Variants in ACER3 observed in about 807,000 individuals in gnomAD.
The protein encoded by ACER3 is alkCDase 3.
A neutral mutation model predicts 48.9 loss-of-function variants in ACER3; 16 were observed. The ratio of observed to expected loss-of-function variants is 0.33; its 90% CI spans 0.22 to 0.50. The LOEUF is 0.50. ACER3 is among the 20% of genes least tolerant of loss of function. The probability of loss-of-function intolerance (pLI) is 0.98; values close to 1 mark genes in which losing one functional copy is unlikely to be tolerated. For missense variants in ACER3, 227 were observed against 326.0 expected (o/e 0.70, Z 2.34); for synonymous variants, 109 against 107.8 (o/e 1.01, Z -0.07).
intron 5 of ACER3, among the ~76,000 whole-genome samples, chr11:76,990,167 A>G (rs892303503): frequency 1.3e-5 from 2 of 152,166 alleles, no homozygotes; most frequent in African/African-American, 2.4e-5. Flanking sequence ...ATTTACTCCT[A>G]TCTCTAAGTC....
intron 1 of ACER3, among the ~76,000 whole-genome samples, chr11:76,872,773 C>T (rs771179232): frequency 5.3e-5 from 8 of 152,038 alleles, no homozygotes; most frequent in Non-Finnish European, 1.0e-4. Context: ...AACAATGGGC[C>T]TCAGACTTTA....
intron 1 of ACER3, among the ~76,000 whole-genome samples, chr11:76,886,893 G>A (rs1007264571): frequency 6.6e-6 from 1 of 152,104 alleles, no homozygotes; most frequent in South Asian, 2.1e-4. Context: ...GCCCAGGCTG[G>A]TTTTGAACTC....
chr11:76,994,136 CTTTT>C (rs56841188), intron 6 of ACER3: 88 of 403,314 alleles, frequency 2.2e-4, no homozygotes, highest in African/African-American at 1.6e-3. Flanking sequence ...ATTAAACTTT[CTTTT>C]TTTTTTTTTG....
intron 2 of ACER3, among the ~76,000 whole-genome samples, chr11:76,937,565 A>C (rs1016593494): frequency 6.6e-6 from 1 of 152,262 alleles, no homozygotes; most frequent in Non-Finnish European, 1.5e-5. Flanking sequence ...TATGTTAAGT[A>C]AGTAAAAGAT....
At chr11:76,896,475 A>T (rs1329298402) in intron 1 of ACER3, among the ~76,000 whole-genome samples, 2 of 151,980 alleles carry the variant, frequency 1.3e-5, no homozygotes, top group African/African-American at 4.8e-5. Context: ...CCTGGGCAAC[A>T]TGATGAAACC....
intron 1 of ACER3, among the ~76,000 whole-genome samples, chr11:76,901,047 G>A (rs1270042981): frequency 6.6e-6 from 1 of 152,082 alleles, no homozygotes; most frequent in Non-Finnish European, 1.5e-5. Context: ...ATCTTCTATG[G>A]TGTAATTTTC....
At chr11:77,006,633 T>C (rs1949155844) in intron 7 of ACER3, among the ~76,000 whole-genome samples, 2 of 152,186 alleles carry the variant, frequency 1.3e-5, no homozygotes, top group South Asian at 4.1e-4. Context: ...ATTATTTTTT[T>C]TCAGAATTTG....
At chr11:76,875,106 T>C (rs1156368501) in intron 1 of ACER3, among the ~76,000 whole-genome samples, 2 of 130,748 alleles carry the variant, frequency 1.5e-5, no homozygotes, top group Non-Finnish European at 3.1e-5. Context: ...GAAAAGCACT[T>C]CTTTTTTTTT....
chr11:76,863,208 G>C (rs1944985815), intron 1 of ACER3, among the ~76,000 whole-genome samples: 1 of 152,172 alleles, frequency 6.6e-6, no homozygotes, highest in African/African-American at 2.4e-5. Flanking sequence ...GCCTGGGCAA[G>C]AGTTAGACCC....
chr11:76,875,411 C>T (rs903198306), intron 1 of ACER3, among the ~76,000 whole-genome samples: 3 of 151,958 alleles, frequency 2.0e-5, no homozygotes, highest in Admixed American at 6.6e-5. Context: ...CCACCGCGCC[C>T]GGCCAACATT....
At chr11:76,967,768 A>G (rs1288757504) in intron 3 of ACER3, among the ~76,000 whole-genome samples, 2 of 152,240 alleles carry the variant, frequency 1.3e-5, no homozygotes, top group Non-Finnish European at 2.9e-5. Context: ...CTCTCAATAA[A>G]TTAGGTATTG....
In ACER3 at chr11:77,011,407, C is replaced by T. The variant is rs782673262; in HGVS notation, c.498-3609C>T. 141 of 980,560 alleles carry T rather than the reference C, an allele frequency of 1.4e-4. 1 individual carries two copies. The Middle Eastern group carries it at 2.1e-3, about 15-fold the overall frequency. The allele number at this position is 980,560 out of a possible 1,614,324, so 60.7% of individuals were successfully genotyped here. On this transcript the variant is annotated intron_variant, in intron 7 of 10. Coordinates refer to ENST00000532485, the MANE Select transcript of ACER3 (RefSeq NM_018367.7). ...AAGTTTAGAAGCAGAAAACAGATAG[C>T]ACCCTACCCCCACTGATCATATTCC...
chr11:76,892,517 G>T (rs1224762068), intron 1 of ACER3, among the ~76,000 whole-genome samples: 1 of 152,016 alleles, frequency 6.6e-6, no homozygotes, highest in Non-Finnish European at 1.5e-5. Context: ...ACTTGTCTTG[G>T]CTGACTGACC....
In ACER3 at chr11:76,871,469, G is replaced by A. The variant is rs184054625; in HGVS notation, c.103+10390G>A. 3.5e-3 allele frequency among the ~76,000 whole-genome samples: 530 copies of A among 152,322 alleles called. 3 individuals are homozygous for A. Among genetic ancestry groups the A allele is most frequent in the Non-Finnish European group, 5.8e-3 (395 of 68,030 alleles). ...GTGGGACAACTTGAAGTGGTGAGTAGGGGGCTACAGCTTACAGGTCATAGG... is the reference window on the plus strand; with the variant it reads ...GTGGGACAACTTGAAGTGGTGAGTAAGGGGCTACAGCTTACAGGTCATAGG... On this transcript the variant is annotated intron_variant, in intron 1 of 10. Transcript: ENST00000532485.
intron 2 of ACER3, among the ~76,000 whole-genome samples, chr11:76,934,333 A>G (rs978275492): frequency 1.3e-5 from 2 of 152,222 alleles, no homozygotes; most frequent in African/African-American, 4.8e-5. Context: ...AGGCCAAGGC[A>G]GGCGGCTGGG....
intron 1 of ACER3, among the ~76,000 whole-genome samples, chr11:76,906,019 A>C (rs2134697392): frequency 6.6e-6 from 1 of 152,376 alleles, no homozygotes; most frequent in East Asian, 1.9e-4. Context: ...ATTGAGAGAA[A>C]GCTAACATGG....
At chr11:77,001,178 C>A (rs542480063) in intron 7 of ACER3, among the ~76,000 whole-genome samples, 4 of 152,238 alleles carry the variant, frequency 2.6e-5, no homozygotes, top group African/African-American at 9.6e-5. Context: ...TATAGATACA[C>A]AATTGATTAT....
At chr11:76,893,806 A>G (rs1250398421) in intron 1 of ACER3, among the ~76,000 whole-genome samples, 2 of 152,230 alleles carry the variant, frequency 1.3e-5, no homozygotes, top group Non-Finnish European at 2.9e-5. Context: ...TTAAATTCAA[A>G]CTACCTTTTT....
chr11:76,946,401 T>C (rs1452550906), intron 2 of ACER3, among the ~76,000 whole-genome samples: 2 of 152,156 alleles, frequency 1.3e-5, no homozygotes, highest in African/African-American at 4.8e-5. Flanking sequence ...AGCAGGGTGG[T>C]GGGTATTGTC....
Sources: gnomAD v4.1 joint callset for allele counts (sites outside exome capture counted in the v4.1 genomes callset) on GRCh38, gnomAD v4.1.1 for gene constraint, MANE v1.5 for transcripts, NCBI Gene and HGNC (gene_info 2026-07-23, HGNC 2026-07-21) for gene names.